Variants in MB observed in about 807,000 individuals in gnomAD.
The protein encoded by MB is nitrite reductase MB.
A neutral mutation model predicts 14.5 loss-of-function variants in MB; 10 were observed. That is an observed-to-expected ratio of 0.69 (90% CI 0.43 to 1.17). The LOEUF is 1.17. MB is among the 50% of genes most tolerant of loss of function. The pLI is 0.00. For missense variants in MB, 169 were observed against 192.7 expected, an observed-to-expected ratio of 0.88 and a Z score of 0.73; for synonymous variants, 89 against 78.6, an observed-to-expected ratio of 1.13 and a Z score of -0.70.
rs1922330188 is a variant in MB at position 35,608,607 on chromosome 22, TC to T, written c.319-1165del. On this transcript the variant is annotated intron_variant, in intron 2 of 2. Coordinates refer to ENST00000397326, the MANE Select transcript of MB (RefSeq NM_005368.3). The surrounding 1 kb of genome is among the most constrained non-coding windows in gnomAD (Gnocchi z 4.3). ...TCAAGGTGGATGCTTGACTTCACCT[TC>T]CATTTCATGAATGCCACAAAACAAA... Among the ~76,000 whole-genome samples the T allele has an allele frequency of 6.6e-6, 1 of 152,144 alleles. No homozygotes were observed. The highest frequency in any genetic ancestry group is 1.5e-5 in the Non-Finnish European group (1 of 68,022).
At chr22:35,620,132 G>A (rs370894948), upstream of MB, among the ~76,000 whole-genome samples, 2 of 152,176 alleles carry the variant, frequency 1.3e-5, no homozygotes, top group South Asian at 2.1e-4. Flanking sequence ...TCAAGAGATC[G>A]AGACTATCCT....
upstream of MB, among the ~76,000 whole-genome samples, chr22:35,619,910 G>A (rs1923355582): frequency 6.6e-6 from 1 of 152,218 alleles, no homozygotes; most frequent in Admixed American, 6.5e-5. Context: ...AAGGGTCAGA[G>A]GCACCGGCTG....
At chr22:35,618,934 C>CTCCATCCA (rs1475748602), upstream of MB, among the ~76,000 whole-genome samples, 9 of 147,650 alleles carry the variant, frequency 6.1e-5, no homozygotes, top group Non-Finnish European at 1.3e-4. Context: ...TCCTCCATCC[C>CTCCATCCA]TCCATCCATC....
chr22:35,614,757 A>G (rs981998354), intron 1 of MB, among the ~76,000 whole-genome samples: 3 of 151,910 alleles, frequency 2.0e-5, no homozygotes, highest in Non-Finnish European at 4.4e-5. Flanking sequence ...CATTATCATT[A>G]TCATCACCAT....
intron 1 of MB, among the ~76,000 whole-genome samples, chr22:35,612,402 G>A (rs1032840727): frequency 2.0e-5 from 3 of 152,094 alleles, no homozygotes; most frequent in African/African-American, 7.2e-5. Flanking sequence ...TGGTTTTTTT[G>A]TTTTTTGTTT....
At chr22:35,621,833 C>T (rs1435095689), upstream of MB, 1 of 152,178 alleles carries the variant, frequency 6.6e-6, no homozygotes, top group Non-Finnish European at 1.5e-5. Context: ...GCACCCTCCC[C>T]AGGCAAGGCA....
At chr22:35,614,497 A>G (rs560673660) in intron 1 of MB, among the ~76,000 whole-genome samples, 1 of 151,942 alleles carries the variant, frequency 6.6e-6, no homozygotes, top group African/African-American at 2.4e-5. Context: ...TCAAAAAAAA[A>G]AAAAAGGAGC....
chr22:35,612,940 C>CG (rs1295148943), intron 1 of MB, among the ~76,000 whole-genome samples: 1 of 152,198 alleles, frequency 6.6e-6, no homozygotes, highest in Non-Finnish European at 1.5e-5. Flanking sequence ...CACACACACA[C>CG]AGAGACACGC....
intron 1 of MB, among the ~76,000 whole-genome samples, chr22:35,613,917 A>G (rs1392427829): frequency 1.3e-5 from 2 of 152,306 alleles, no homozygotes; most frequent in East Asian, 1.9e-4. Context: ...GGAGCCCCCC[A>G]GGCAGCCACA....
Position 35,608,262 on chromosome 22 carries a change from G to C in MB, c.319-819C>G, listed in dbSNP as rs1922306276. Among the ~76,000 whole-genome samples, 3 of 152,238 alleles carry C rather than the reference G, an allele frequency of 2.0e-5. No individual in the cohort carries two copies. Among genetic ancestry groups the C allele is most frequent in the Non-Finnish European group, 4.4e-5 (3 of 68,038 alleles). ...TTAACCAGATTTGATCCCAACCACA[G>C]CCCTGGCTGGTGCACCAAGGAGTGT... On this transcript the variant is annotated intron_variant, in intron 2 of 2. Transcript: ENST00000397326. The surrounding 1 kb of genome is among the most constrained non-coding windows in gnomAD (Gnocchi z 4.3).
upstream of MB, among the ~76,000 whole-genome samples, chr22:35,618,547 A>G (rs1184927004): frequency 1.3e-5 from 2 of 151,068 alleles, no homozygotes; most frequent in African/African-American, 2.4e-5. Flanking sequence ...TCCATCCATC[A>G]TCTCTTTGTC....
At chr22:35,618,075 ACTTTG>A (rs1923217467), upstream of MB, among the ~76,000 whole-genome samples, 1 of 152,114 alleles carries the variant, frequency 6.6e-6, no homozygotes, top group African/African-American at 2.4e-5. Flanking sequence ...CTCACAAGAG[ACTTTG>A]CTGGGTGCCA....
upstream of MB, chr22:35,617,577 G>T (rs532831362): frequency 4.3e-5 from 13 of 304,654 alleles, no homozygotes; most frequent in South Asian, 6.5e-4. Flanking sequence ...AGGGGAGGAG[G>T]TTGGGCACTG....
chr22:35,611,989 A>T (rs563842918), intron 1 of MB, among the ~76,000 whole-genome samples: 6 of 152,106 alleles, frequency 3.9e-5, no homozygotes, highest in African/African-American at 1.2e-4. Flanking sequence ...TCCGCCTTTT[A>T]CTCATGGAAG....
In MB at chr22:35,608,939, C is replaced by T. The variant is rs543071139; in HGVS notation, c.319-1496G>A. On this transcript the variant is annotated intron_variant, in intron 2 of 2. Transcript: ENST00000397326. The surrounding 1 kb of genome is among the most constrained non-coding windows in gnomAD (Gnocchi z 4.3). ...GGTGGAGACTGTCTTATGAACAGCG[C>T]AGAGCGAAGGTCCACCGTGAGGGGG... is the stretch of plus-strand genomic sequence containing the variant. Among the ~76,000 whole-genome samples, 3 of 152,312 alleles carry T rather than the reference C, an allele frequency of 2.0e-5. No individual in the cohort carries two copies. In the South Asian group the frequency reaches 6.2e-4, roughly 32 times the overall value.
At chr22:35,614,747 C>T (rs1023363323) in intron 1 of MB, among the ~76,000 whole-genome samples, 34 of 152,026 alleles carry the variant, frequency 2.2e-4, no homozygotes, top group Non-Finnish European at 3.4e-4. Flanking sequence ...TTATCATTAT[C>T]ATTATCATTA....
At chr22:35,615,664 C>T (rs1169496590) in intron 1 of MB, 2 of 152,196 alleles carry the variant, frequency 1.3e-5, no homozygotes, top group Non-Finnish European at 2.9e-5. Context: ...GACGGGATCT[C>T]GGAGACCATG....
chr22:35,612,355 C>G (rs1922693441), intron 1 of MB, among the ~76,000 whole-genome samples: 1 of 152,218 alleles, frequency 6.6e-6, no homozygotes, highest in Non-Finnish European at 1.5e-5. Flanking sequence ...TATTTCACAA[C>G]CAGGATGCTG....
At chr22:35,615,725 G>C (rs994492377) in intron 1 of MB, 2 of 152,248 alleles carry the variant, frequency 1.3e-5, no homozygotes, top group Non-Finnish European at 2.9e-5. Context: ...CAGAGGTGGA[G>C]AGACTTGTCC....
Sources: allele counts gnomAD v4.1 joint callset (sites outside exome capture counted in the v4.1 genomes callset), GRCh38; gene constraint gnomAD v4.1.1; non-coding constraint Gnocchi (gnomAD v3.1); transcripts MANE v1.5; gene names NCBI Gene and HGNC (gene_info 2026-07-23, HGNC 2026-07-21).